DNAH11: variants seen among roughly 807,000 people sequenced by gnomAD.
DNAH11 encodes dynein axonemal heavy chain 11, also known as axonemal beta dynein heavy chain 11.
In DNAH11, 442 loss-of-function variants were observed where a neutral mutation model predicts 526.0. The observed-to-expected ratio is 0.84, with a 90% CI of 0.78 to 0.91. The LOEUF (loss-of-function observed/expected upper bound fraction) is 0.91, where lower values mean the gene tolerates loss of function less well. DNAH11 is among the 40% of genes least tolerant of loss of function. DNAH11 has a pLI of 0.00. For synonymous variants in DNAH11, 2,461 were observed against 1,935.9 expected (o/e 1.27, Z -7.12); for missense variants, 6,989 against 5,448.7 (o/e 1.28, Z -8.90).
intron 61 of DNAH11, among the ~76,000 whole-genome samples, chr7:21,799,772 TA>T (rs1442216779): frequency 1.3e-5 from 2 of 152,234 alleles, no homozygotes; most frequent in Non-Finnish European, 2.9e-5. Context: ...TTTAGCAATA[TA>T]AAGTAATGGT....
chr7:21,600,184 G>C, intron 15 of DNAH11, 65 bp downstream of exon 15: 1 of 1,375,746 alleles, frequency 7.3e-7, no homozygotes, highest in Non-Finnish European at 9.7e-7. Context: ...TTGTGGCTGA[G>C]TATGGTAGCT....
At chr7:21,616,396 T>A in intron 22 of DNAH11, 104 bp downstream of exon 22, 1 of 857,948 alleles carries the variant, frequency 1.2e-6, no homozygotes. Flanking sequence ...ATGTACTTAT[T>A]TACTTCTAAC....
chr7:21,900,218 C>G lies in DNAH11; in HGVS notation c.13303+98C>G. On this transcript the variant is annotated intron_variant, in intron 81 of 81. Transcript: ENST00000409508. ...CTGTTTCTCAGCATCTCCTCACTCA[C>G]ACAGTAACCTTATGCTAGTCATTAT... The G allele has an allele frequency of 2.3e-6, 3 of 1,291,256 alleles. No individual in the cohort carries two copies. In the South Asian group the frequency reaches 5.4e-5, roughly 23 times the overall value. 80.0% of individuals were successfully genotyped at this position (1,291,256 alleles called of 1,614,324 possible). A position where few individuals can be genotyped will look rare whatever the true frequency, so the allele number is the denominator to read the frequency against.
At chr7:21,715,094 G>T (rs140682813) in intron 42 of DNAH11, among the ~76,000 whole-genome samples, 1 of 152,308 alleles carries the variant, frequency 6.6e-6, no homozygotes, top group African/African-American at 2.4e-5. Flanking sequence ...GGTATACACT[G>T]CTAGTCAGCA....
chr7:21,794,086 C>T (rs1021707983), intron 61 of DNAH11, among the ~76,000 whole-genome samples: 1 of 152,196 alleles, frequency 6.6e-6, no homozygotes. Context: ...ACGTATTTCT[C>T]AGTTCCAGGA....
rs1583790109 is a variant in DNAH11 at position 21,866,605 on chromosome 7, A to T, written c.11632A>T (p.Ile3878Leu). Residue 3878 changes from isoleucine (I) to leucine (L), a missense_variant, in exon 71 of 82, where the codon ATA becomes TTA. By Grantham distance (5) the Ile-to-Leu change is conservative. Transcript: ENST00000409508. ...TCAAGAATGGAAGAAGAAAAGTTTA[A>T]TACAGAAGCTGATTCTTCTGAGAGC... is the stretch of plus-strand genomic sequence containing the variant. ...LPQEWKKKSLIQKLILLRAMR... is the reference protein window; with the variant it reads ...LPQEWKKKSLLQKLILLRAMR... 1.9e-6 allele frequency: 3 copies of T among 1,613,942 alleles called. No individual in the cohort carries two copies. Among genetic ancestry groups the T allele is most frequent in the Middle Eastern group, 3.3e-4 (2 of 6,062 alleles).
chr7:21,842,856 C>T, intron 66 of DNAH11, 108 bp downstream of exon 66: 1 of 964,192 alleles, frequency 1.0e-6, no homozygotes, highest in South Asian at 2.1e-5. Flanking sequence ...TAGAATCCTG[C>T]AACCTAATTG....
At chr7:21,834,316 G>A (rs1333196337) in intron 65 of DNAH11, among the ~76,000 whole-genome samples, 1 of 152,066 alleles carries the variant, frequency 6.6e-6, no homozygotes, top group African/African-American at 2.4e-5. Flanking sequence ...AAAAATGGAA[G>A]CACATACCAA....
At chr7:21,715,140 G>T (rs1784603760) in intron 42 of DNAH11, among the ~76,000 whole-genome samples, 1 of 152,214 alleles carries the variant, frequency 6.6e-6, no homozygotes, top group African/African-American at 2.4e-5. Context: ...CCAGGCCACG[G>T]TGAATGACAG....
Position 21,606,572 on chromosome 7 carries a change from G to T in DNAH11, c.3765+30G>T. ...GCTAGTTACCAAGTTTTTGTTTTAA[G>T]AAAGGTTTTACTAGGATAATTGAAG... On this transcript the variant is annotated intron_variant, in intron 19 of 81. Coordinates refer to ENST00000409508, the MANE Select transcript of DNAH11 (RefSeq NM_001277115.2). 7 of 1,537,848 alleles carry T rather than the reference G, an allele frequency of 4.6e-6. No homozygotes were observed. The South Asian group carries it at 7.2e-5, about 16-fold the overall frequency.
Position 21,766,416 on chromosome 7 carries a change from C to A in DNAH11, c.9102+827C>A, listed in dbSNP as rs535770602. 2.6e-5 allele frequency among the ~76,000 whole-genome samples: 4 copies of A among 152,044 alleles called. No homozygotes were observed. The South Asian group carries it at 6.2e-4, about 24-fold the overall frequency. ...CCATTGAGTGATAAGGTGAAAGGTT[C>A]CTAGAATAGGTCAGACACTGAAAGT... On this transcript the variant is annotated intron_variant, in intron 55 of 81. Transcript: ENST00000409508.
At chr7:21,559,567 C>A (rs756933485) in intron 3 of DNAH11, 36 bp from the exon 4 acceptor site, 2 of 1,480,166 alleles carry the variant, frequency 1.4e-6, no homozygotes, top group Non-Finnish European at 1.8e-6. Context: ...TAAAATGATT[C>A]ATCTTTGAAT....
At chr7:21,876,601 C>A (rs1042999608) in intron 74 of DNAH11, among the ~76,000 whole-genome samples, 1 of 152,206 alleles carries the variant, frequency 6.6e-6, no homozygotes, top group Non-Finnish European at 1.5e-5. Flanking sequence ...ACAGATAGTC[C>A]ATTCAGAAGT....
chr7:21,900,800 C>A lies in DNAH11; in HGVS notation c.13304-207C>A, dbSNP rs145374977. The A allele has an allele frequency of 5.5e-4, 342 of 626,066 alleles. 1 individual carries two copies. The highest frequency in any genetic ancestry group is 4.2e-3 in the Middle Eastern group (9 of 2,148). The allele number at this position is 626,066 out of a possible 1,614,324, so 38.8% of individuals were successfully genotyped here. A position where few individuals can be genotyped will look rare whatever the true frequency, so the allele number is the denominator to read the frequency against. On this transcript the variant is annotated intron_variant, in intron 81 of 81. Transcript: ENST00000409508. ...CTTCCACAGGAAAGTTTAACCACTA[C>A]GCATGGAAGCAAAGCGGTGCCTCCG... is the stretch of plus-strand genomic sequence containing the variant.
At chr7:21,698,241 GT>G in intron 36 of DNAH11, 28 bp downstream of exon 36, 1 of 1,610,750 alleles carries the variant, frequency 6.2e-7, no homozygotes, top group South Asian at 1.1e-5. Flanking sequence ...ACGTTTTCTT[GT>G]TTTTACATAC....
chr7:21,754,854 G>T (rs1200131167), intron 54 of DNAH11, among the ~76,000 whole-genome samples: 1 of 152,084 alleles, frequency 6.6e-6, no homozygotes, highest in African/African-American at 2.4e-5. Context: ...GAAAATACCA[G>T]CTTCTTTCTT....
intron 54 of DNAH11, among the ~76,000 whole-genome samples, chr7:21,753,102 G>T (rs1001751541): frequency 6.6e-6 from 1 of 152,190 alleles, no homozygotes; most frequent in African/African-American, 2.4e-5. Flanking sequence ...GACTGGCTCA[G>T]TATTACCCTT....
At chr7:21,565,238 A>G (rs997614491) in intron 6 of DNAH11, among the ~76,000 whole-genome samples, 11 of 151,806 alleles carry the variant, frequency 7.2e-5, no homozygotes, top group Non-Finnish European at 2.9e-5. Flanking sequence ...CTGCCTTCTC[A>G]CTGTGTCCTC....
intron 65 of DNAH11, among the ~76,000 whole-genome samples, chr7:21,829,860 A>C (rs529659250): frequency 3.0e-4 from 45 of 152,330 alleles, no homozygotes; most frequent in African/African-American, 1.1e-3. Flanking sequence ...GTTTTCAGGA[A>C]ACTGATCATT....
Sources: allele counts gnomAD v4.1 joint callset (sites outside exome capture counted in the v4.1 genomes callset), GRCh38; gene constraint gnomAD v4.1.1; transcripts MANE v1.5; gene names NCBI Gene and HGNC (gene_info 2026-07-23, HGNC 2026-07-21).